SPIDR: variants seen among roughly 807,000 people sequenced by gnomAD.
SPIDR encodes the protein scaffold protein involved in DNA repair, also known as DNA repair-scaffolding protein.
A neutral mutation model predicts 104.6 loss-of-function variants in SPIDR; 93 were observed. That is an observed-to-expected ratio of 0.89 (90% CI 0.75 to 1.06). SPIDR has a LOEUF of 1.06. Ranked by LOEUF, SPIDR falls within the 50% of genes least tolerant of loss-of-function variation. SPIDR has a pLI of 0.00. For missense variants in SPIDR, 1,154 were observed against 1,111.2 expected (o/e 1.04, Z -0.55); for synonymous variants, 431 against 416.9 (o/e 1.03, Z -0.41).
chr8:47,629,047 G>A (rs1228210893), intron 10 of SPIDR, among the ~76,000 whole-genome samples: 2 of 152,194 alleles, frequency 1.3e-5, no homozygotes, highest in Middle Eastern at 3.2e-3. Context: ...CCCTTTAAGG[G>A]TCACAGCAGC....
At chr8:47,649,685 G>A (rs1412778087) in intron 10 of SPIDR, among the ~76,000 whole-genome samples, 1 of 152,056 alleles carries the variant, frequency 6.6e-6, no homozygotes, top group Non-Finnish European at 1.5e-5. Context: ...GGGAATGAAG[G>A]GGTATCATGT....
At chr8:47,443,391 G>A (rs1163639588) in intron 8 of SPIDR, among the ~76,000 whole-genome samples, 6 of 151,866 alleles carry the variant, frequency 4.0e-5, no homozygotes, top group South Asian at 2.1e-4. Context: ...CCAACATGGC[G>A]AAACCCCATC....
intron 16 of SPIDR, among the ~76,000 whole-genome samples, chr8:47,718,157 A>G (rs2082841569): frequency 6.6e-6 from 1 of 152,206 alleles, no homozygotes; most frequent in African/African-American, 2.4e-5. Flanking sequence ...GTTTGAATGG[A>G]CAGTAACAGT....
chr8:47,420,650 C>G (rs972948171), intron 7 of SPIDR, among the ~76,000 whole-genome samples: 1 of 152,096 alleles, frequency 6.6e-6, no homozygotes, highest in Non-Finnish European at 1.5e-5. Context: ...AATTTGATCC[C>G]GTCATTATGA....
chr8:47,575,137 G>A (rs187595422), intron 8 of SPIDR, among the ~76,000 whole-genome samples: 18 of 152,050 alleles, frequency 1.2e-4, no homozygotes, highest in African/African-American at 4.3e-4. Flanking sequence ...AGTAGAAATC[G>A]AGTCATTTAT....
intron 10 of SPIDR, among the ~76,000 whole-genome samples, chr8:47,653,351 G>A (rs1342601080): frequency 1.3e-5 from 2 of 152,180 alleles, no homozygotes; most frequent in South Asian, 2.1e-4. Flanking sequence ...ATAGGCATGG[G>A]AAAGTAGGAA....
chr8:47,467,287 A>G (rs2075024781), intron 8 of SPIDR, among the ~76,000 whole-genome samples: 1 of 152,226 alleles, frequency 6.6e-6, no homozygotes, highest in Non-Finnish European at 1.5e-5. Context: ...CCAGATGTAC[A>G]AAGAAGAGCT....
chr8:47,530,434 ACT>A (rs1258555137), intron 8 of SPIDR, among the ~76,000 whole-genome samples: 1 of 152,024 alleles, frequency 6.6e-6, no homozygotes, highest in African/African-American at 2.4e-5. Flanking sequence ...ACACTGCGAG[ACT>A]CTGTGTCAAA....
chr8:47,460,133 G>A lies in SPIDR; in HGVS notation c.1097+19591G>A, dbSNP rs538346697. 1.4e-3 allele frequency among the ~76,000 whole-genome samples: 219 copies of A among 152,226 alleles called. 2 individuals are homozygous for A. The highest frequency in any genetic ancestry group is 5.1e-3 in the African/African-American group (213 of 41,556). On this transcript the variant is annotated intron_variant, in intron 8 of 19. Coordinates refer to ENST00000297423, the MANE Select transcript of SPIDR (RefSeq NM_001080394.4). ...CTGTGTTTGTTGGGTAGAATATTTTGTAAATATGTTAAGTCCATTTGTTCC... is the reference window on the plus strand; with the variant it reads ...CTGTGTTTGTTGGGTAGAATATTTTATAAATATGTTAAGTCCATTTGTTCC...
chr8:47,522,150 C>T (rs1347514532), intron 8 of SPIDR, among the ~76,000 whole-genome samples: 4 of 140,916 alleles, frequency 2.8e-5, no homozygotes, highest in African/African-American at 1.1e-4. Flanking sequence ...GCAGCTTGGG[C>T]GACAAGAGCG....
At chr8:47,465,942 G>A (rs919026395) in intron 8 of SPIDR, among the ~76,000 whole-genome samples, 2 of 152,062 alleles carry the variant, frequency 1.3e-5, no homozygotes, top group South Asian at 4.1e-4. Context: ...ATTACATAAT[G>A]GTAAAGGGTT....
intron 11 of SPIDR, among the ~76,000 whole-genome samples, chr8:47,691,640 T>C (rs1021998737): frequency 6.6e-6 from 1 of 152,232 alleles, no homozygotes; most frequent in African/African-American, 2.4e-5. Context: ...AGGAAGTATT[T>C]TTCTTTGTAT....
At chr8:47,422,657 T>C (rs1554681844) in intron 7 of SPIDR, among the ~76,000 whole-genome samples, 2 of 152,222 alleles carry the variant, frequency 1.3e-5, no homozygotes, top group African/African-American at 4.8e-5. Context: ...GTGAACCCGG[T>C]ACCTCAGTTG....
At chr8:47,533,621 C>G (rs1339678445) in intron 8 of SPIDR, among the ~76,000 whole-genome samples, 2 of 152,056 alleles carry the variant, frequency 1.3e-5, no homozygotes, top group Non-Finnish European at 2.9e-5. Flanking sequence ...GGACACTTCT[C>G]AAAAGAAGAC....
intron 8 of SPIDR, among the ~76,000 whole-genome samples, chr8:47,562,099 T>A (rs533430689): frequency 6.6e-6 from 1 of 152,304 alleles, no homozygotes; most frequent in East Asian, 1.9e-4. Flanking sequence ...TATCTTAGAG[T>A]GATCACATCC....
chr8:47,658,451 A>G (rs566750362), intron 10 of SPIDR, among the ~76,000 whole-genome samples: 1 of 151,996 alleles, frequency 6.6e-6, no homozygotes, highest in Non-Finnish European at 1.5e-5. Flanking sequence ...ATTCACCGGC[A>G]ATAAACAAAT....
At chr8:47,620,273 CTTTTT>C (rs61006472) in intron 10 of SPIDR, among the ~76,000 whole-genome samples, 2 of 82,922 alleles carry the variant, frequency 2.4e-5, no homozygotes, top group Non-Finnish European at 2.4e-5. Context: ...CCATTTAAAC[CTTTTT>C]TTTTTTTTTT....
upstream of SPIDR, chr8:47,260,935 T>A (rs779804482): frequency 8.2e-7 from 1 of 1,226,692 alleles, no homozygotes; most frequent in South Asian, 3.9e-5. Flanking sequence ...GAGGAGGCGG[T>A]GCGCTCAGGC....
At chr8:47,397,797 C>G (rs142430741) in intron 6 of SPIDR, among the ~76,000 whole-genome samples, 21 of 152,232 alleles carry the variant, frequency 1.4e-4, no homozygotes, top group African/African-American at 4.8e-4. Context: ...TTACTCTCTT[C>G]CGTATTGCCA....
Sources: gnomAD v4.1 joint callset for allele counts (sites outside exome capture counted in the v4.1 genomes callset) on GRCh38, gnomAD v4.1.1 for gene constraint, MANE v1.5 for transcripts, NCBI Gene and HGNC (gene_info 2026-07-23, HGNC 2026-07-21) for gene names.